Variants in COL23A1 observed in about 807,000 individuals in gnomAD.
COL23A1 encodes the protein collagen alpha-1(XXIII) chain.
COL23A1 carries 97 observed loss-of-function variants against 99.3 expected under a neutral mutation model. The ratio of observed to expected loss-of-function variants is 0.98; its 90% CI spans 0.83 to 1.16. The LOEUF is 1.16. Ranked by LOEUF, COL23A1 falls within the 50% of genes most tolerant of loss-of-function variation. The probability of loss-of-function intolerance (pLI) is 0.00; values close to 1 mark genes in which losing one functional copy is unlikely to be tolerated. For missense variants in COL23A1, 762 were observed against 757.4 expected (o/e 1.01, Z -0.07); for synonymous variants, 320 against 308.2 (o/e 1.04, Z -0.40).
chr5:178,266,582 A>G (rs935082969), intron 8 of COL23A1, among the ~76,000 whole-genome samples: 12 of 152,114 alleles, frequency 7.9e-5, no homozygotes, highest in African/African-American at 2.9e-4. Flanking sequence ...GAAAGCAAGC[A>G]GAAGGATTTT....
chr5:178,356,682 T>C (rs1359464242), intron 2 of COL23A1, among the ~76,000 whole-genome samples: 1 of 152,170 alleles, frequency 6.6e-6, no homozygotes, highest in Non-Finnish European at 1.5e-5. Flanking sequence ...AAAGTAGCCA[T>C]TGCCGCCGGA....
chr5:178,256,823 G>A, intron 14 of COL23A1, 43 bp downstream of exon 14: 1 of 1,586,508 alleles, frequency 6.3e-7, no homozygotes, highest in South Asian at 1.1e-5. Flanking sequence ...GTGGAGGTCT[G>A]AGCGGGGCCC....
At chr5:178,320,386 G>A (rs1256787872) in intron 2 of COL23A1, among the ~76,000 whole-genome samples, 2 of 152,190 alleles carry the variant, frequency 1.3e-5, no homozygotes, top group Non-Finnish European at 2.9e-5. Context: ...AGGCCCTTAT[G>A]ACCCCAGGCA....
intron 6 of COL23A1, 67 bp downstream of exon 6, chr5:178,270,270 G>A: frequency 1.3e-6 from 2 of 1,591,334 alleles, no homozygotes; most frequent in Non-Finnish European, 1.7e-6. Context: ...GTGCCTGCTG[G>A]TCACTCCTAG....
At chr5:178,338,209 G>GAC (rs2127657293) in intron 2 of COL23A1, among the ~76,000 whole-genome samples, 2 of 152,320 alleles carry the variant, frequency 1.3e-5, no homozygotes, top group African/African-American at 4.8e-5. Context: ...GACCCAGGCA[G>GAC]ACAGCACAGC....
At chr5:178,331,291 G>T (rs1414086566) in intron 2 of COL23A1, among the ~76,000 whole-genome samples, 1 of 152,214 alleles carries the variant, frequency 6.6e-6, no homozygotes, top group Non-Finnish European at 1.5e-5. Flanking sequence ...CAGTTGCAGC[G>T]CCTACAAATC....
At chr5:178,586,037 C>T (rs981833753) in intron 1 of COL23A1, among the ~76,000 whole-genome samples, 2 of 152,182 alleles carry the variant, frequency 1.3e-5, no homozygotes, top group East Asian at 3.9e-4. Context: ...TCTACCCAGG[C>T]TACTCTTGGG....
intron 2 of COL23A1, among the ~76,000 whole-genome samples, chr5:178,511,769 T>C (rs1156810616): frequency 6.6e-6 from 1 of 152,224 alleles, no homozygotes; most frequent in African/African-American, 2.4e-5. Context: ...TTCATCCATC[T>C]GTAAACTGAG....
chr5:178,553,941 C>G (rs1762138587), intron 2 of COL23A1, among the ~76,000 whole-genome samples: 1 of 152,198 alleles, frequency 6.6e-6, no homozygotes, highest in Admixed American at 6.5e-5. Flanking sequence ...AGTGCCAGGC[C>G]TCGTTCTAAG....
chr5:178,463,611 T>C (rs66934098), intron 2 of COL23A1, among the ~76,000 whole-genome samples: 18,079 of 152,218 alleles, frequency 0.12, 2,491 homozygotes, highest in East Asian at 0.52. Flanking sequence ...CCGATGAGGA[T>C]GCCAGGGGAG....
At chr5:178,248,493 C>T (rs1010191959) in intron 19 of COL23A1, among the ~76,000 whole-genome samples, 2 of 152,164 alleles carry the variant, frequency 1.3e-5, no homozygotes, top group Non-Finnish European at 2.9e-5. Flanking sequence ...AGGGAGCAAC[C>T]GGGGGCTGTG....
At chr5:178,513,255 T>C (rs1252526074) in intron 2 of COL23A1, among the ~76,000 whole-genome samples, 1 of 152,218 alleles carries the variant, frequency 6.6e-6, no homozygotes. Flanking sequence ...TACCATGCAC[T>C]GTGCCGAGTG....
At chr5:178,408,798 T>C (rs1329875009) in intron 2 of COL23A1, among the ~76,000 whole-genome samples, 1 of 151,652 alleles carries the variant, frequency 6.6e-6, no homozygotes, top group East Asian at 1.9e-4. Context: ...CTATTAAAAA[T>C]ACAAAAATTA....
intron 2 of COL23A1, among the ~76,000 whole-genome samples, chr5:178,431,317 C>T (rs1766252671): frequency 6.6e-6 from 1 of 152,146 alleles, no homozygotes; most frequent in Admixed American, 6.5e-5. Context: ...GCAGACACCT[C>T]TTCACACACA....
In COL23A1 at chr5:178,242,409, A is replaced by G. The variant is rs756700292; in HGVS notation, c.1441-15T>C. The G allele has an allele frequency of 1.2e-6, 2 of 1,613,788 alleles. No homozygotes were observed. Among genetic ancestry groups the G allele is most frequent in the African/African-American group, 2.7e-5 (2 of 74,918 alleles). On this transcript the variant is annotated splice_polypyrimidine_tract_variant and intron_variant, in intron 25 of 28. Transcript: ENST00000390654. ...CCAGGGAAACCCTGACAAAAGGATT[A>G]GATGCTAAACCCGAAAATGAGGCTG...
chr5:178,403,432 C>T (rs796560349), intron 2 of COL23A1, among the ~76,000 whole-genome samples: 32 of 152,260 alleles, frequency 2.1e-4, no homozygotes, highest in African/African-American at 6.7e-4. Flanking sequence ...GTTTCAAACG[C>T]GTTATCTCCA....
intron 5 of COL23A1, among the ~76,000 whole-genome samples, chr5:178,282,021 C>T (rs952700423): frequency 1.5e-5 from 2 of 137,746 alleles, no homozygotes; most frequent in South Asian, 4.6e-4. Context: ...CACTGCACTC[C>T]AGCCTGGGCG....
At chr5:178,557,323 C>T (rs1396773534) in intron 2 of COL23A1, among the ~76,000 whole-genome samples, 1 of 152,188 alleles carries the variant, frequency 6.6e-6, no homozygotes, top group African/African-American at 2.4e-5. Context: ...CCCGCAAAGA[C>T]CCTATTTTCA....
chr5:178,566,822 AAAAG>A (rs558461894), intron 1 of COL23A1, among the ~76,000 whole-genome samples: 110 of 152,296 alleles, frequency 7.2e-4, no homozygotes, highest in Admixed American at 3.2e-3. Flanking sequence ...TCTCAAAAAA[AAAAG>A]AAAGAAAGAA....
Sources: gnomAD v4.1 joint callset for allele counts (sites outside exome capture counted in the v4.1 genomes callset) on GRCh38, gnomAD v4.1.1 for gene constraint, MANE v1.5 for transcripts, NCBI Gene and HGNC (gene_info 2026-07-23, HGNC 2026-07-21) for gene names.